ASTN2: variants seen among roughly 807,000 people sequenced by gnomAD.
The protein encoded by ASTN2 is astrotactin 2.
ASTN2 carries 54 observed loss-of-function variants against 139.8 expected under a neutral mutation model. That is an observed-to-expected ratio of 0.39 (90% CI 0.31 to 0.48). ASTN2 has a LOEUF of 0.48. ASTN2 is among the 20% of genes least tolerant of loss of function. The pLI is 0.95. For synonymous variants in ASTN2, 756 were observed against 719.5 expected (o/e 1.05, Z -0.81); for missense variants, 1,565 against 1,725.1 (o/e 0.91, Z 1.64).
At chr9:116,695,208 A>C (rs986294469) in intron 16 of ASTN2, among the ~76,000 whole-genome samples, 5 of 152,220 alleles carry the variant, frequency 3.3e-5, no homozygotes, top group Non-Finnish European at 7.3e-5. Context: ...GACCTTGAGC[A>C]AGTTTTTCTG....
chr9:117,251,070 A>T (rs185778781), intron 2 of ASTN2, among the ~76,000 whole-genome samples: 1 of 152,158 alleles, frequency 6.6e-6, no homozygotes, highest in Admixed American at 6.5e-5. Context: ...TGGTTCTATG[A>T]GTGAAGCTGA....
chr9:117,110,772 G>A (rs932970320), intron 4 of ASTN2, among the ~76,000 whole-genome samples: 1 of 152,162 alleles, frequency 6.6e-6, no homozygotes, highest in African/African-American at 2.4e-5. Context: ...TTCCTTTGAG[G>A]GTAGTCTACA....
At chr9:116,477,658 A>C (rs1849026346) in intron 20 of ASTN2, among the ~76,000 whole-genome samples, 1 of 151,936 alleles carries the variant, frequency 6.6e-6, no homozygotes, top group African/African-American at 2.4e-5. Context: ...AAGTGATAAG[A>C]AAAGGAGAAA....
chr9:116,838,362 A>T (rs1340929661), intron 11 of ASTN2, among the ~76,000 whole-genome samples: 2 of 151,878 alleles, frequency 1.3e-5, no homozygotes, highest in African/African-American at 4.8e-5. Flanking sequence ...CGCCCGCCTC[A>T]GCACTCCCAA....
At chr9:116,622,171 G>A (rs899731662) in intron 17 of ASTN2, among the ~76,000 whole-genome samples, 8 of 152,288 alleles carry the variant, frequency 5.3e-5, no homozygotes, top group African/African-American at 1.9e-4. Context: ...GAACATGTTT[G>A]TATAAAGTCT....
chr9:117,400,457 G>A (rs1000842717), intron 1 of ASTN2, among the ~76,000 whole-genome samples: 5 of 152,118 alleles, frequency 3.3e-5, no homozygotes, highest in East Asian at 1.9e-4. Flanking sequence ...AAGAGGTCAG[G>A]ACAATAAAAG....
At chr9:116,961,350 T>C (rs1835870771) in intron 10 of ASTN2, among the ~76,000 whole-genome samples, 1 of 152,144 alleles carries the variant, frequency 6.6e-6, no homozygotes, top group Non-Finnish European at 1.5e-5. Context: ...TGAAATTCTA[T>C]ACCCATCAAA....
chr9:116,739,552 T>G (rs895737901), intron 13 of ASTN2, among the ~76,000 whole-genome samples: 7 of 152,226 alleles, frequency 4.6e-5, no homozygotes, highest in African/African-American at 1.7e-4. Context: ...CATCCACTAT[T>G]CCTCTGCCTT....
chr9:117,216,556 C>A (rs1832325635), intron 2 of ASTN2, among the ~76,000 whole-genome samples: 1 of 152,074 alleles, frequency 6.6e-6, no homozygotes, highest in Non-Finnish European at 1.5e-5. Context: ...TGTGTAGAAT[C>A]TATTAAATAT....
chr9:116,599,750 T>C (rs772033305), intron 19 of ASTN2, among the ~76,000 whole-genome samples: 1 of 152,178 alleles, frequency 6.6e-6, no homozygotes, highest in Non-Finnish European at 1.5e-5. Context: ...AATTAACCTA[T>C]ATTTTTCAAA....
chr9:117,112,058 CA>C (rs1421908044), intron 4 of ASTN2, among the ~76,000 whole-genome samples: 2 of 151,820 alleles, frequency 1.3e-5, no homozygotes, highest in South Asian at 2.1e-4. Flanking sequence ...AAAAAACTCT[CA>C]AATACTTAGT....
chr9:116,588,600 T>G (rs1174159871), intron 19 of ASTN2, among the ~76,000 whole-genome samples: 1 of 152,228 alleles, frequency 6.6e-6, no homozygotes, highest in Non-Finnish European at 1.5e-5. Context: ...GTCATAATAA[T>G]AGTGTCTTCA....
intron 3 of ASTN2, among the ~76,000 whole-genome samples, chr9:117,171,714 GTGCTTGCTCCT>G (rs1282668618): frequency 6.6e-6 from 1 of 151,972 alleles, no homozygotes; most frequent in Non-Finnish European, 1.5e-5. Context: ...TGTGAAGAAG[GTGCTTGCTCCT>G]TCTTCACCTT....
At chr9:117,364,351 G>T (rs1231349824) in intron 1 of ASTN2, among the ~76,000 whole-genome samples, 1 of 152,136 alleles carries the variant, frequency 6.6e-6, no homozygotes, top group Non-Finnish European at 1.5e-5. Context: ...TCAAGCATTG[G>T]GCTACATTTT....
chr9:116,892,628 G>A (rs1833791753), intron 10 of ASTN2, among the ~76,000 whole-genome samples: 1 of 152,048 alleles, frequency 6.6e-6, no homozygotes, highest in Non-Finnish European at 1.5e-5. Flanking sequence ...ATTGCTGCTG[G>A]AAGGCATTTG....
At chr9:116,658,597 G>A (rs1858366177) in intron 16 of ASTN2, among the ~76,000 whole-genome samples, 2 of 152,168 alleles carry the variant, frequency 1.3e-5, no homozygotes, top group African/African-American at 4.8e-5. Flanking sequence ...CCCAAGCATT[G>A]GGGACCGCTG....
chr9:117,358,771 C>T (rs746480186), intron 1 of ASTN2, among the ~76,000 whole-genome samples: 10 of 152,074 alleles, frequency 6.6e-5, no homozygotes, highest in Non-Finnish European at 1.3e-4. Context: ...TGTTCAACAG[C>T]CTCCCTCCAA....
chr9:116,687,302 GGT>G, intron 16 of ASTN2: 1 of 986,174 alleles, frequency 1.0e-6, no homozygotes, highest in Non-Finnish European at 1.2e-6. Flanking sequence ...CCCGGCAAGG[GGT>G]GCTCAACGGC....
rs1023211481 is a variant in ASTN2, at chr9:116,824,056, C to T, written c.2041-3273G>A. Among the ~76,000 whole-genome samples, 7 of 152,286 alleles carry T rather than the reference C, an allele frequency of 4.6e-5. No homozygotes were observed. The East Asian group carries it at 5.8e-4, about 13-fold the overall frequency. ...CAGTTGGTACTTGTTATTTGCTGAA[C>T]GAATTGGTGGAGTGCTAGAAATGAC... On this transcript the variant is annotated intron_variant, in intron 11 of 22. Transcript: ENST00000313400.
Sources: gnomAD v4.1 joint callset for allele counts (sites outside exome capture counted in the v4.1 genomes callset) on GRCh38, gnomAD v4.1.1 for gene constraint, MANE v1.5 for transcripts, NCBI Gene and HGNC (gene_info 2026-07-23, HGNC 2026-07-21) for gene names.